Variants in LIMCH1 observed in about 807,000 individuals in gnomAD.
LIMCH1 encodes the protein LIM and calponin homology domains-containing protein 1.
Under a neutral mutation model 176.5 loss-of-function variants are expected in LIMCH1, and 113 were observed. The observed-to-expected ratio is 0.64, with a 90% confidence interval of 0.55 to 0.75. The LOEUF is 0.75. Among genes scored for constraint, LIMCH1 ranks in the 30% least tolerant of loss-of-function variants. The pLI is 0.00. For synonymous variants in LIMCH1, 619 were observed against 645.9 expected (o/e 0.96, Z 0.63); for missense variants, 1,674 against 1,814.9 (o/e 0.92, Z 1.41).
intron 1 of LIMCH1, among the ~76,000 whole-genome samples, chr4:41,561,367 G>A (rs2082040705): frequency 6.6e-6 from 1 of 152,096 alleles, no homozygotes; most frequent in Admixed American, 6.5e-5. Flanking sequence ...AATTAACTTT[G>A]CTGCTGATTA....
intron 3 of LIMCH1, among the ~76,000 whole-genome samples, chr4:41,529,167 C>A (rs1305959264): frequency 6.6e-6 from 1 of 152,114 alleles, no homozygotes; most frequent in Non-Finnish European, 1.5e-5. Context: ...TACTATCGAG[C>A]CACATCTTGA....
intron 22 of LIMCH1, among the ~76,000 whole-genome samples, chr4:41,673,663 C>T (rs1560326405): frequency 6.6e-6 from 1 of 152,146 alleles, no homozygotes; most frequent in Non-Finnish European, 1.5e-5. Context: ...GTAGGAGATG[C>T]ATTACCCAGC....
chr4:41,696,744 C>G (rs1057079441), intron 31 of LIMCH1, among the ~76,000 whole-genome samples: 1 of 152,148 alleles, frequency 6.6e-6, no homozygotes, highest in Admixed American at 6.6e-5. Context: ...TCAAATTCCT[C>G]ATATTACAAT....
At chr4:41,489,955 T>A (rs2070449712) in intron 1 of LIMCH1, among the ~76,000 whole-genome samples, 1 of 152,176 alleles carries the variant, frequency 6.6e-6, no homozygotes. Context: ...TTTAATAAAG[T>A]AAGCTAGAGA....
chr4:41,571,432 C>G (rs1176538373), intron 1 of LIMCH1, among the ~76,000 whole-genome samples: 1 of 152,106 alleles, frequency 6.6e-6, no homozygotes, highest in Non-Finnish European at 1.5e-5. Flanking sequence ...GAGGCCTTGA[C>G]TTTCTCAGGG....
intron 3 of LIMCH1, among the ~76,000 whole-genome samples, chr4:41,528,077 A>G (rs2076869709): frequency 6.6e-6 from 1 of 152,224 alleles, no homozygotes; most frequent in Non-Finnish European, 1.5e-5. Flanking sequence ...GGAGAATACT[A>G]TTGATCTTAG....
intron 1 of LIMCH1, 58 bp downstream of exon 1, chr4:41,538,408 A>G (rs1196517623): frequency 3.2e-6 from 3 of 943,128 alleles, no homozygotes; most frequent in Non-Finnish European, 3.8e-6. Flanking sequence ...GATGGAAAGA[A>G]GGAAGCTATT....
chr4:41,430,196 A>G (rs1221676862), intron 1 of LIMCH1, among the ~76,000 whole-genome samples: 2 of 152,326 alleles, frequency 1.3e-5, no homozygotes, highest in African/African-American at 4.8e-5. Context: ...ATAGCTTTAT[A>G]TAGGAATTTC....
intron 2 of LIMCH1, among the ~76,000 whole-genome samples, chr4:41,500,998 G>A (rs2073168332): frequency 6.6e-6 from 1 of 152,178 alleles, no homozygotes; most frequent in African/African-American, 2.4e-5. Context: ...TCTACAGGCA[G>A]CATGAATGAT....
At chr4:41,628,579 C>G (rs2093127332) in intron 8 of LIMCH1, among the ~76,000 whole-genome samples, 1 of 152,028 alleles carries the variant, frequency 6.6e-6, no homozygotes, top group African/African-American at 2.4e-5. Context: ...GATTTTCCAG[C>G]TTGAATGATA....
chr4:41,667,735 A>T (rs2094877077), intron 21 of LIMCH1, among the ~76,000 whole-genome samples: 1 of 152,120 alleles, frequency 6.6e-6, no homozygotes, highest in Admixed American at 6.5e-5. Flanking sequence ...GCCCTGAGGG[A>T]TGTGAACAGT....
At chr4:41,647,628 C>T (rs1011644018) in intron 17 of LIMCH1, among the ~76,000 whole-genome samples, 2 of 152,218 alleles carry the variant, frequency 1.3e-5, no homozygotes, top group Admixed American at 6.5e-5. Context: ...AAAATCAGTT[C>T]CCCTTGTCCT....
Position 41,360,907 on chromosome 4 carries a change from G to C in LIMCH1, c.67G>C (p.Ala23Pro). ...GCAGCCCGAGCCGCCCCCCGAGCCC[G>C]CCTTCTCCGAGGCGCAGAAGTGGAT... Residue 23 changes from alanine (A) to proline (P), a missense_variant, in exon 1 of 27, where the codon GCC (alanine) becomes CCC (proline). By Grantham distance (27) the Ala-to-Pro change is conservative. Transcript: ENST00000313860. The surrounding 1 kb of genome is among the most constrained non-coding windows in gnomAD (Gnocchi z 4.5). The C allele has an allele frequency of 6.3e-7, 1 of 1,587,420 alleles. No homozygotes were observed. The highest frequency in any genetic ancestry group is 8.5e-7 in the Non-Finnish European group (1 of 1,170,098).
chr4:41,600,466 CACTTTGAAAGTGT>C (rs2089720263), intron 2 of LIMCH1, among the ~76,000 whole-genome samples: 1 of 152,106 alleles, frequency 6.6e-6, no homozygotes, highest in East Asian at 1.9e-4. Context: ...AAGGAAAGGT[CACTTTGAAAGTGT>C]CTGCAGCTGC....
At chr4:41,564,071 A>G (rs1040549564) in intron 1 of LIMCH1, among the ~76,000 whole-genome samples, 1 of 152,176 alleles carries the variant, frequency 6.6e-6, no homozygotes, top group Non-Finnish European at 1.5e-5. Context: ...AGATAATACA[A>G]TACCTAATAT....
chr4:41,548,023 G>A (rs2079840192), intron 1 of LIMCH1, among the ~76,000 whole-genome samples: 2 of 151,096 alleles, frequency 1.3e-5, no homozygotes, highest in African/African-American at 4.9e-5. Context: ...CTATTAAATA[G>A]CATAGTAATA....
Position 41,629,701 on chromosome 4 carries a change from C to A in LIMCH1, c.1238C>A (p.Thr413Lys). 2 of 1,535,822 alleles carry A rather than the reference C, an allele frequency of 1.3e-6. No individual in the cohort carries two copies. Among genetic ancestry groups the A allele is most frequent in the Non-Finnish European group, 1.7e-6 (2 of 1,146,856 alleles). Reference protein sequence around the residue: ...LSNITEADLETWERLKVSEKA... With the variant: ...LSNITEADLEKWERLKVSEKA... ...AACATAACAGAAGCTGACTTGGAGA[C>A]GTGGGAGAGACTCAAAGTGTCAGAA... The change falls in exon 9 of 32, where the codon ACG becomes AAG. Residue 413 changes from threonine (T) to lysine (K), a missense_variant. Thr to Lys is a moderately conservative substitution (Grantham distance 78, BLOSUM62 -1). Coordinates refer to ENST00000503057, the MANE Select transcript of LIMCH1 (RefSeq NM_001330672.2).
intron 18 of LIMCH1, among the ~76,000 whole-genome samples, chr4:41,651,250 C>G (rs1200085395): frequency 6.6e-6 from 1 of 152,082 alleles, no homozygotes; most frequent in Non-Finnish European, 1.5e-5. Context: ...AGTGATCCAC[C>G]CACCTCAGCC....
At position 41,372,900 on chromosome 4, in the gene LIMCH1, G is replaced by A. The variant is rs546926138; in HGVS notation, c.96+11964G>A. ...TGAGGGTCAGTGACTTCTTGGCTGC[G>A]ATTATTCCTGTTCTCTGGAGCCCTT... On this transcript the variant is annotated intron_variant, in intron 1 of 26. Coordinates refer to the LIMCH1 transcript ENST00000313860. Among the ~76,000 whole-genome samples, 21 of 152,258 alleles carry A rather than the reference G, an allele frequency of 1.4e-4. No homozygotes were observed. In the South Asian group the frequency reaches 3.5e-3, roughly 26 times the overall value.
Sources: gnomAD v4.1 joint callset for allele counts (sites outside exome capture counted in the v4.1 genomes callset) on GRCh38, gnomAD v4.1.1 for gene constraint, Gnocchi (gnomAD v3.1) non-coding constraint, MANE v1.5 for transcripts, NCBI Gene and HGNC (gene_info 2026-07-23, HGNC 2026-07-21) for gene names.